The following ROBO1 variants were observed in gnomAD, a reference collection of about 807,000 sequenced individuals.
The protein encoded by ROBO1 is roundabout guidance receptor 1, also known as roundabout homolog 1.
Under a neutral mutation model 195.9 loss-of-function variants are expected in ROBO1, and 149 were observed. The ratio of observed to expected loss-of-function variants is 0.76; its 90% CI spans 0.67 to 0.87. ROBO1 has a LOEUF of 0.87. ROBO1 is among the 40% of genes least tolerant of loss of function. The probability of loss-of-function intolerance (pLI) is 0.00; values close to 1 mark genes in which losing one functional copy is unlikely to be tolerated. For synonymous variants in ROBO1, 816 were observed against 733.2 expected (o/e 1.11, Z -1.82); for missense variants, 1,933 against 2,068.3 (o/e 0.93, Z 1.27).
chr3:79,587,441 A>G (rs1460136901), intron 2 of ROBO1, among the ~76,000 whole-genome samples: 1 of 151,814 alleles, frequency 6.6e-6, no homozygotes, highest in African/African-American at 2.4e-5. Flanking sequence ...GGCTGATGAT[A>G]ACTCACTGAG....
chr3:79,532,580 A>C (rs142086652), intron 2 of ROBO1, among the ~76,000 whole-genome samples: 262 of 152,292 alleles, frequency 1.7e-3, no homozygotes, highest in African/African-American at 5.9e-3. Context: ...GGTACAGAGG[A>C]AGAGCAACAG....
In ROBO1 at chr3:78,885,412, T is replaced by TAAAAAAAAA. The variant is rs59912706; in HGVS notation, c.499+53180_499+53188dup. ...GCACTTGTAACCCTGAATTTAAAAC[T>TAAAAAAAAA]AAAAAAAAAAAAAAAAAAAAAAAAA... On this transcript the variant is annotated intron_variant, in intron 4 of 30. Coordinates refer to ENST00000464233, the MANE Select transcript of ROBO1 (RefSeq NM_002941.4). 6.1e-4 allele frequency among the ~76,000 whole-genome samples: 33 copies of TAAAAAAAAA among 53,698 alleles called. 2 individuals carry two copies. The highest frequency in any genetic ancestry group is 1.3e-3 in the South Asian group (1 of 754). The allele number at this position is 53,698 out of a possible 152,430, so 35.2% of individuals were successfully genotyped here. A position where few individuals can be genotyped will look rare whatever the true frequency, so the allele number is the denominator to read the frequency against.
intron 2 of ROBO1, among the ~76,000 whole-genome samples, chr3:79,146,701 T>C: frequency 6.6e-6 from 1 of 152,060 alleles, no homozygotes; most frequent in East Asian, 1.9e-4. Context: ...TGCTACTTTA[T>C]AGAACTAAAA....
At chr3:79,325,948 A>T (rs967776578) in intron 2 of ROBO1, among the ~76,000 whole-genome samples, 2 of 152,134 alleles carry the variant, frequency 1.3e-5, no homozygotes, top group African/African-American at 4.8e-5. Context: ...AGCAAGGAAC[A>T]TCCCTGGGAA....
intron 2 of ROBO1, among the ~76,000 whole-genome samples, chr3:79,204,848 C>T (rs555491772): frequency 6.6e-6 from 1 of 152,134 alleles, no homozygotes; most frequent in South Asian, 2.1e-4. Context: ...CTGCAAATTG[C>T]TTTTTTCTAA....
chr3:79,596,157 T>C (rs1560024141), intron 1 of ROBO1, among the ~76,000 whole-genome samples: 1 of 152,088 alleles, frequency 6.6e-6, no homozygotes, highest in Non-Finnish European at 1.5e-5. Flanking sequence ...TCTAGAGTTT[T>C]GTGAAAATTA....
chr3:78,720,155 T>C (rs1199013703), intron 5 of ROBO1, among the ~76,000 whole-genome samples: 1 of 151,558 alleles, frequency 6.6e-6, no homozygotes, highest in Non-Finnish European at 1.5e-5. Context: ...CTGACCTTAG[T>C]ATCAACATTG....
At chr3:78,880,108 G>T (rs1209900844) in intron 4 of ROBO1, among the ~76,000 whole-genome samples, 1 of 152,038 alleles carries the variant, frequency 6.6e-6, no homozygotes, top group Non-Finnish European at 1.5e-5. Context: ...TAATGAAACT[G>T]AGTTCATATA....
At chr3:79,550,236 G>GAA (rs1472283588) in intron 2 of ROBO1, among the ~76,000 whole-genome samples, 1 of 147,896 alleles carries the variant, frequency 6.8e-6, no homozygotes, top group African/African-American at 2.5e-5. Context: ...GAAAAGAAAA[G>GAA]AAAAGAAAAG....
chr3:78,941,156 T>C (rs1171376137), intron 3 of ROBO1, among the ~76,000 whole-genome samples: 3 of 152,192 alleles, frequency 2.0e-5, no homozygotes, highest in East Asian at 3.8e-4. Flanking sequence ...ACAAAAATTA[T>C]AATTTGAAAT....
intron 8 of ROBO1, among the ~76,000 whole-genome samples, chr3:78,692,271 T>C (rs915053256): frequency 1.3e-5 from 2 of 152,162 alleles, no homozygotes; most frequent in Non-Finnish European, 2.9e-5. Flanking sequence ...CTTTTTGTTT[T>C]TTTCTCTTTC....
intron 1 of ROBO1, among the ~76,000 whole-genome samples, chr3:79,636,513 A>G (rs973712110): frequency 3.0e-4 from 45 of 152,258 alleles, no homozygotes; most frequent in Admixed American, 1.2e-3. Context: ...CACAATGGCC[A>G]TCGTAACAGC....
At position 78,717,166 on chromosome 3, in the gene ROBO1, T is replaced by C. The variant is rs777530626; in HGVS notation, c.917+109A>G. ...CTCCAGTATTGTATCTGGCCCCTGA[T>C]AGAGGATTCTAGAATGGACTATTCT... On this transcript the variant is annotated intron_variant, in intron 7 of 30. Transcript: ENST00000464233. The C allele has an allele frequency of 5.9e-5, 69 of 1,160,744 alleles. 1 individual carries two copies. Among genetic ancestry groups the C allele is most frequent in the South Asian group, 9.5e-5 (5 of 52,800 alleles). 71.9% of individuals were successfully genotyped at this position (1,160,744 alleles called of 1,614,324 possible). A position where few individuals can be genotyped will look rare whatever the true frequency, so the allele number is the denominator to read the frequency against.
intron 4 of ROBO1, among the ~76,000 whole-genome samples, chr3:78,890,194 C>T (rs1424673827): frequency 1.3e-5 from 2 of 152,068 alleles, no homozygotes; most frequent in Non-Finnish European, 2.9e-5. Flanking sequence ...ATTTCATGGC[C>T]AGACTAGGTA....
intron 4 of ROBO1, among the ~76,000 whole-genome samples, chr3:78,827,047 T>C (rs2108715337): frequency 6.6e-6 from 1 of 152,300 alleles, no homozygotes; most frequent in East Asian, 1.9e-4. Context: ...AAATGCTGAC[T>C]AGTAGTTATA....
intron 5 of ROBO1, among the ~76,000 whole-genome samples, chr3:78,732,935 CCA>C (rs796776737): frequency 5.3e-5 from 8 of 152,186 alleles, no homozygotes; most frequent in African/African-American, 1.9e-4. Flanking sequence ...TAAACCTGTA[CCA>C]TCTGGTAGTA....
chr3:79,021,795 G>C (rs1249306368), intron 3 of ROBO1, among the ~76,000 whole-genome samples: 1 of 151,776 alleles, frequency 6.6e-6, no homozygotes, highest in Non-Finnish European at 1.5e-5. Flanking sequence ...CAAGTAGCTG[G>C]GACTACAGGC....
chr3:78,872,255 G>C (rs767285546), intron 4 of ROBO1, among the ~76,000 whole-genome samples: 1 of 152,148 alleles, frequency 6.6e-6, no homozygotes, highest in African/African-American at 2.4e-5. Context: ...CACCAAACCT[G>C]ACTGATGTTA....
intron 3 of ROBO1, chr3:79,018,796 A>G (rs1472188135): frequency 6.6e-6 from 7 of 1,059,914 alleles, no homozygotes; most frequent in Admixed American, 4.5e-5. Flanking sequence ...GGTCTTGCGG[A>G]GCCTCCCGGC....
Sources: gnomAD v4.1 joint callset for allele counts (sites outside exome capture counted in the v4.1 genomes callset) on GRCh38, gnomAD v4.1.1 for gene constraint, MANE v1.5 for transcripts, NCBI Gene and HGNC (gene_info 2026-07-23, HGNC 2026-07-21) for gene names.